EFL1: variants seen among roughly 807,000 people sequenced by gnomAD.
EFL1 encodes elongation factor like GTPase 1, also known as elongation factor-like GTPase 1.
In EFL1, 76 loss-of-function variants were observed where a neutral mutation model predicts 126.7. The ratio of observed to expected loss-of-function variants is 0.60; its 90% CI spans 0.50 to 0.73. The LOEUF is 0.73. Among genes scored for constraint, EFL1 ranks in the 30% least tolerant of loss-of-function variants. The pLI is 0.00. For missense variants in EFL1, 1,128 were observed against 1,343.2 expected (o/e 0.84, Z 2.50); for synonymous variants, 410 against 448.4 (o/e 0.91, Z 1.08).
At chr15:82,172,006 A>T (rs1452123817) in intron 15 of EFL1, among the ~76,000 whole-genome samples, 2 of 152,102 alleles carry the variant, frequency 1.3e-5, no homozygotes, top group Admixed American at 6.5e-5. Flanking sequence ...AGGCAACCCA[A>T]TAGGAATCTA....
intron 15 of EFL1, among the ~76,000 whole-genome samples, chr15:82,203,391 C>T (rs1247736205): frequency 1.3e-5 from 2 of 152,058 alleles, no homozygotes; most frequent in Non-Finnish European, 2.9e-5. Context: ...TTTTTTGAGA[C>T]GGAGTCTCGC....
intron 15 of EFL1, among the ~76,000 whole-genome samples, chr15:82,172,725 G>T (rs146087332): frequency 1.1e-4 from 16 of 152,154 alleles, no homozygotes; most frequent in African/African-American, 3.6e-4. Context: ...CACTCATGGC[G>T]TATGAGTCAT....
At chr15:82,145,678 C>G (rs1192090604) in intron 18 of EFL1, among the ~76,000 whole-genome samples, 2 of 150,888 alleles carry the variant, frequency 1.3e-5, no homozygotes, top group African/African-American at 4.9e-5. Flanking sequence ...ACTAAAAATA[C>G]AAAAAAATAG....
At position 82,240,444 on chromosome 15, in the gene EFL1, A is replaced by G. The variant is rs1053075603; in HGVS notation, c.490T>C (p.Ser164Pro). 6.2e-6 allele frequency: 10 copies of G among 1,610,870 alleles called. No homozygotes were observed. Among genetic ancestry groups the G allele is most frequent in the Non-Finnish European group, 7.6e-6 (9 of 1,178,266 alleles). The change falls in exon 6 of 20, where the codon TCT becomes CCT. Residue 164 changes from serine (S) to proline (P), a missense_variant. This residue lies in a region of EFL1 where 316 missense variants were observed against 318.5 expected (regional missense o/e 0.99). Transcript: ENST00000268206. ...ELKFTPQEAY[S>P]HLKNILEQIN... ...TGTTCTAAAATATTCTTGAGGTGAG[A>G]ATAGGCCTCTTGTGGGGTGAATTTC...
At chr15:82,233,941 T>G (rs4778986) in intron 7 of EFL1, among the ~76,000 whole-genome samples, 15,851 of 152,200 alleles carry the variant, frequency 0.1, 1,230 homozygotes, top group South Asian at 0.38. Flanking sequence ...ACCACTACTT[T>G]CCCATAAATT....
At chr15:82,154,922 G>A (rs543533662) in intron 17 of EFL1, among the ~76,000 whole-genome samples, 6 of 152,110 alleles carry the variant, frequency 3.9e-5, no homozygotes, top group South Asian at 4.2e-4. Context: ...CCACCTGCCC[G>A]ATTAATTTAT....
At chr15:82,169,224 G>T (rs1408651779) in intron 15 of EFL1, among the ~76,000 whole-genome samples, 1 of 152,128 alleles carries the variant, frequency 6.6e-6, no homozygotes, top group Non-Finnish European at 1.5e-5. Flanking sequence ...ATCATGTCTT[G>T]GTGTGTCCTA....
At chr15:82,207,307 T>TATATACACAC (rs141904056) in intron 15 of EFL1, among the ~76,000 whole-genome samples, 2,426 of 145,364 alleles carry the variant, frequency 0.017, 59 homozygotes, top group African/African-American at 0.056. Flanking sequence ...TATATATATA[T>TATATACACAC]ACACACACAC....
intron 3 of EFL1, among the ~76,000 whole-genome samples, chr15:82,254,024 T>C (rs1359937831): frequency 6.6e-6 from 1 of 152,248 alleles, no homozygotes; most frequent in Non-Finnish European, 1.5e-5. Context: ...GAATTATCTG[T>C]TGATATGAAC....
chr15:82,262,713 G>T lies in EFL1; in HGVS notation c.-119C>A, dbSNP rs1225308320. ...AGCTCTGCGGGTCCGACACGCCCGC[G>T]CGCCAGGGGGCGGGGCCGGCTGTCG... On this transcript the variant is annotated 5_prime_UTR_variant, in exon 1 of 20. Coordinates refer to ENST00000268206, the MANE Select transcript of EFL1 (RefSeq NM_024580.6). 1.3e-6 allele frequency: 1 copy of T among 762,640 alleles called. No individual in the cohort carries two copies. The highest frequency in any genetic ancestry group is 3.7e-4 in the Middle Eastern group (1 of 2,670). The allele number at this position is 762,640 out of a possible 1,614,324, so 47.2% of individuals were successfully genotyped here.
intron 11 of EFL1, 33 bp downstream of exon 11, chr15:82,227,417 A>G (rs1397524597): frequency 6.2e-7 from 1 of 1,613,960 alleles, no homozygotes; most frequent in Middle Eastern, 1.7e-4. Flanking sequence ...AGTCAATGAC[A>G]TGGTATATTC....
chr15:82,233,105 T>C (rs1037420722), intron 7 of EFL1, among the ~76,000 whole-genome samples: 1 of 152,184 alleles, frequency 6.6e-6, no homozygotes, highest in African/African-American at 2.4e-5. Context: ...TAGGCTCTTC[T>C]AGTCCACCAT....
chr15:82,139,894 T>G (rs2073766590), intron 18 of EFL1, among the ~76,000 whole-genome samples: 1 of 152,210 alleles, frequency 6.6e-6, no homozygotes, highest in East Asian at 1.9e-4. Flanking sequence ...TTACCTTTAT[T>G]TATTTATTTT....
At chr15:82,260,319 T>C (rs2075102290) in intron 2 of EFL1, among the ~76,000 whole-genome samples, 1 of 152,222 alleles carries the variant, frequency 6.6e-6, no homozygotes, top group Non-Finnish European at 1.5e-5. Flanking sequence ...CAGGGGTTAC[T>C]CACTGGATTT....
At chr15:82,152,846 C>T (rs558298084) in intron 17 of EFL1, among the ~76,000 whole-genome samples, 1 of 152,186 alleles carries the variant, frequency 6.6e-6, no homozygotes, top group South Asian at 2.1e-4. Flanking sequence ...ATCACAGAAC[C>T]TCAGGATAGC....
At chr15:82,196,119 T>C (rs900253815) in intron 15 of EFL1, among the ~76,000 whole-genome samples, 2 of 151,914 alleles carry the variant, frequency 1.3e-5, no homozygotes, top group Non-Finnish European at 2.9e-5. Context: ...AACTGAAGCA[T>C]AGGGAGGTCA....
chr15:82,248,765 T>C (rs770645827), intron 4 of EFL1, among the ~76,000 whole-genome samples: 1 of 152,122 alleles, frequency 6.6e-6, no homozygotes, highest in Non-Finnish European at 1.5e-5. Context: ...CTGCAGTGTT[T>C]TCCATATGGT....
chr15:82,227,302 G>T (rs62012043), intron 11 of EFL1, 148 bp downstream of exon 11: 1 of 1,283,884 alleles, frequency 7.8e-7, no homozygotes, highest in Non-Finnish European at 1.1e-6. Context: ...CTGGTGAAAT[G>T]GTCATTTGTG....
At chr15:82,232,435 A>C (rs1393246922) in intron 7 of EFL1, among the ~76,000 whole-genome samples, 1 of 152,150 alleles carries the variant, frequency 6.6e-6, no homozygotes, top group South Asian at 2.1e-4. Context: ...TAATTATTCT[A>C]TTCATATGGT....
Sources: allele counts gnomAD v4.1 joint callset (sites outside exome capture counted in the v4.1 genomes callset), GRCh38; gene constraint gnomAD v4.1.1; regional missense constraint gnomAD v4.1.1; transcripts MANE v1.5; gene names NCBI Gene and HGNC (gene_info 2026-07-23, HGNC 2026-07-21).